Variants in PRKAB2 observed in about 807,000 individuals in gnomAD.
The protein encoded by PRKAB2 is 5'-AMP-activated protein kinase subunit beta-2.
Under a neutral mutation model 29.8 loss-of-function variants are expected in PRKAB2, and 18 were observed. The observed-to-expected ratio is 0.60, with a 90% CI of 0.42 to 0.89. The LOEUF (loss-of-function observed/expected upper bound fraction) is 0.89, where lower values mean the gene tolerates loss of function less well. Among genes scored for constraint, PRKAB2 ranks in the 40% least tolerant of loss-of-function variants. The pLI is 0.00. For synonymous variants in PRKAB2, 136 were observed against 125.9 expected, an observed-to-expected ratio of 1.08 and a Z score of -0.54; for missense variants, 270 against 344.3, an observed-to-expected ratio of 0.78 and a Z score of 1.71.
At chr1:147,164,393 A>C (rs1223498056) in intron 5 of PRKAB2, among the ~76,000 whole-genome samples, 1 of 152,232 alleles carries the variant, frequency 6.6e-6, no homozygotes, top group Admixed American at 6.5e-5. Context: ...CCCTGACTCG[A>C]TCATTACACA....
intron 1 of PRKAB2, 34 bp downstream of exon 1, chr1:147,172,395 C>CG: frequency 1.8e-6 from 1 of 554,204 alleles, no homozygotes; most frequent in South Asian, 2.4e-5. Context: ...CGCGTCCCCG[C>CG]GCTCACTGCC....
rs1653813187 is a variant in PRKAB2, at chr1:147,159,028, C to A, written c.*537G>T. ...GAGAGGAATAAGGGTTCTTGTGGGG[C>A]ATCTGGTATCATATAAACAACACAG... is the stretch of plus-strand genomic sequence containing the variant. On this transcript the variant is annotated 3_prime_UTR_variant, in exon 8 of 8. Coordinates refer to ENST00000254101, the MANE Select transcript of PRKAB2 (RefSeq NM_005399.5). The A allele has an allele frequency of 6.6e-6, 1 of 152,610 alleles. No homozygotes were observed. 9.5% of individuals were successfully genotyped at this position (152,610 alleles called of 1,614,324 possible).
chr1:147,170,822 T>A (rs1654492370), intron 2 of PRKAB2, among the ~76,000 whole-genome samples: 1 of 152,210 alleles, frequency 6.6e-6, no homozygotes, highest in African/African-American at 2.4e-5. Context: ...CCTCAAATGA[T>A]CCAACCGCCT....
At chr1:147,168,804 CTGAT>C (rs782031865) in intron 2 of PRKAB2, among the ~76,000 whole-genome samples, 2 of 152,106 alleles carry the variant, frequency 1.3e-5, no homozygotes, top group South Asian at 2.1e-4. Flanking sequence ...TATTATTTTA[CTGAT>C]TGATTGATTG....
intron 2 of PRKAB2, among the ~76,000 whole-genome samples, chr1:147,169,320 A>G (rs1654402013): frequency 6.6e-6 from 1 of 152,210 alleles, no homozygotes; most frequent in Admixed American, 6.5e-5. Flanking sequence ...TCCAAAGTAA[A>G]TAGAGAAAGA....
rs782171593 is a variant in PRKAB2, at chr1:147,156,651, A to C, written c.*2914T>G. On this transcript the variant is annotated 3_prime_UTR_variant, in exon 8 of 8. Coordinates refer to ENST00000254101, the MANE Select transcript of PRKAB2 (RefSeq NM_005399.5). ...ATCCCATTCAGCTTAAAGGAGGCTA[A>C]TAATCATGGTGTGGAATTTCTCCAT... is the stretch of plus-strand genomic sequence containing the variant. The C allele has an allele frequency of 6.6e-5, 10 of 152,178 alleles. No homozygotes were observed. The highest frequency in any genetic ancestry group is 2.4e-4 in the African/African-American group (10 of 41,452). 9.4% of individuals were successfully genotyped at this position (152,178 alleles called of 1,614,324 possible). A position where few individuals can be genotyped will look rare whatever the true frequency, so the allele number is the denominator to read the frequency against.
rs1653642145 is a variant in PRKAB2, at chr1:147,155,791, C to T, written c.*3774G>A. 1 of 152,526 alleles carries T rather than the reference C, an allele frequency of 6.6e-6. No individual in the cohort carries two copies. The highest frequency in any genetic ancestry group is 1.5e-5 in the Non-Finnish European group (1 of 68,000). 9.4% of individuals were successfully genotyped at this position (152,526 alleles called of 1,614,324 possible). A position where few individuals can be genotyped will look rare whatever the true frequency, so the allele number is the denominator to read the frequency against. ...CACTTCAAAGCACAACTGAGAAAAG[C>T]AAATCCAGACAAAGCCCAAACTAGA... is the stretch of plus-strand genomic sequence containing the variant. On this transcript the variant is annotated 3_prime_UTR_variant, in exon 8 of 8. Transcript: ENST00000254101.
chr1:147,169,142 T>C (rs1654392687), intron 2 of PRKAB2, among the ~76,000 whole-genome samples: 1 of 152,208 alleles, frequency 6.6e-6, no homozygotes, highest in Non-Finnish European at 1.5e-5. Context: ...TAAGACTGTA[T>C]AGTATTAAGC....
intron 1 of PRKAB2, 93 bp from the exon 2 acceptor site, chr1:147,172,260 G>A: frequency 7.4e-7 from 1 of 1,351,106 alleles, no homozygotes; most frequent in Non-Finnish European, 9.7e-7. Flanking sequence ...GACAGGGCAA[G>A]GGATTCCCCG....
chr1:147,166,006 C>T (rs4950379), intron 5 of PRKAB2, among the ~76,000 whole-genome samples: 27,747 of 152,072 alleles, frequency 0.18, 3,197 homozygotes, highest in South Asian at 0.26. Context: ...GCCATATTGC[C>T]CAGGCTGTTG....
At chr1:147,160,627 A>C (rs1313028936) in intron 7 of PRKAB2, among the ~76,000 whole-genome samples, 4 of 152,180 alleles carry the variant, frequency 2.6e-5, no homozygotes, top group Non-Finnish European at 5.9e-5. Flanking sequence ...TAAATACGAC[A>C]GAAGCAAGGC....
chr1:147,167,398 A>C (rs1277149987), intron 3 of PRKAB2, among the ~76,000 whole-genome samples: 1 of 152,194 alleles, frequency 6.6e-6, no homozygotes, highest in Non-Finnish European at 1.5e-5. Context: ...GGAAGCAACA[A>C]ATAACATGAC....
At position 147,155,359 on chromosome 1, in the gene PRKAB2, T is replaced by G. The variant is rs1314000470; in HGVS notation, c.*4206A>C. The G allele has an allele frequency of 6.6e-6, 1 of 152,544 alleles. No homozygotes were observed. The highest frequency in any genetic ancestry group is 1.5e-5 in the Non-Finnish European group (1 of 68,014). The allele number at this position is 152,544 out of a possible 1,614,324, so 9.4% of individuals were successfully genotyped here. On this transcript the variant is annotated 3_prime_UTR_variant, in exon 8 of 8. Coordinates refer to ENST00000254101, the MANE Select transcript of PRKAB2 (RefSeq NM_005399.5). ...ATATTTAATTCCCTTCAAAGTAGTC[T>G]TATCTCTCCTTTCTGACAGACACAG... is the stretch of plus-strand genomic sequence containing the variant.
chr1:147,168,040 T>C (rs1212712282), intron 2 of PRKAB2, 107 bp from the exon 3 acceptor site: 1 of 1,189,040 alleles, frequency 8.4e-7, no homozygotes, highest in Non-Finnish European at 1.1e-6. Context: ...TGGCTAAGGA[T>C]ATAAACCCCA....
chr1:147,161,304 A>C (rs1653942903), intron 7 of PRKAB2, among the ~76,000 whole-genome samples: 1 of 152,178 alleles, frequency 6.6e-6, no homozygotes, highest in African/African-American at 2.4e-5. Flanking sequence ...GTATATATGA[A>C]TGAGGCACCT....
intron 2 of PRKAB2, among the ~76,000 whole-genome samples, 170 bp downstream of exon 2, chr1:147,171,819 C>G (rs916959207): frequency 2.6e-5 from 4 of 152,132 alleles, no homozygotes; most frequent in South Asian, 4.2e-4. Flanking sequence ...TATTTTGAGG[C>G]GGCACTTCAA....
At chr1:147,169,288 T>C (rs1280613223) in intron 2 of PRKAB2, among the ~76,000 whole-genome samples, 1 of 152,162 alleles carries the variant, frequency 6.6e-6, no homozygotes, top group Admixed American at 6.5e-5. Context: ...AACTACAGTA[T>C]AGCATATCAG....
chr1:147,171,303 C>G lies in PRKAB2; in HGVS notation c.156+686G>C, dbSNP rs1481328605. On this transcript the variant is annotated intron_variant, in intron 2 of 7. Transcript: ENST00000254101. ...AAGTACTACTGAGGAGTAAACAAGT[C>G]GTGGAATCATTGGCTCTTCCACCTA... Among the ~76,000 whole-genome samples the G allele has an allele frequency of 3.9e-5, 6 of 152,278 alleles. No individual in the cohort carries two copies. The East Asian group carries it at 1.2e-3, about 29-fold the overall frequency.
In PRKAB2 at chr1:147,172,063, C is replaced by A. The variant is rs587635949; in HGVS notation, c.82G>T (p.Ala28Ser). 35 of 1,579,558 alleles carry A rather than the reference C, an allele frequency of 2.2e-5. No homozygotes were observed. In the South Asian group the frequency reaches 3.1e-4, roughly 14 times the overall value. Residue 28 changes from alanine to serine, a missense_variant, in exon 2 of 8, where the codon GCC becomes TCC. By Grantham distance (99) the Ala-to-Ser change is moderately conservative. Around this residue, in one of 2 missense-constraint regions of PRKAB2, gnomAD observed 228 missense variants for 255.5 expected, o/e 0.89. Transcript: ENST00000254101. Reference protein sequence around the residue: ...AARSEGAGGHAPGKEHKIMVG... With the variant: ...AARSEGAGGHSPGKEHKIMVG... ...ATGATCTTGTGCTCCTTCCCCGGGG[C>A]ATGGCCGCCTGCGCCCTCGGAGCGT... is the stretch of plus-strand genomic sequence containing the variant.
Sources: gnomAD v4.1 joint callset for allele counts (sites outside exome capture counted in the v4.1 genomes callset) on GRCh38, gnomAD v4.1.1 for gene constraint, gnomAD v4.1.1 regional missense constraint, MANE v1.5 for transcripts, NCBI Gene and HGNC (gene_info 2026-07-23, HGNC 2026-07-21) for gene names.